Variants in LCK observed in about 807,000 individuals in gnomAD.
LCK encodes the protein tyrosine-protein kinase Lck.
A neutral mutation model predicts 64.6 loss-of-function variants in LCK; 14 were observed. That is an observed-to-expected ratio of 0.22 (90% CI 0.14 to 0.34). LCK has a LOEUF of 0.34. LCK is among the 10% of genes least tolerant of loss of function. LCK has a pLI of 1.00. For missense variants in LCK, 434 were observed against 668.1 expected, an observed-to-expected ratio of 0.65 and a Z score of 3.86; for synonymous variants, 277 against 263.6, an observed-to-expected ratio of 1.05 and a Z score of -0.49.
intron 12 of LCK, among the ~76,000 whole-genome samples, chr1:32,280,476 G>A (rs1252166262): frequency 4.3e-5 from 2 of 45,990 alleles, no homozygotes; most frequent in Non-Finnish European, 8.2e-5. Flanking sequence ...TTTTTTTTGA[G>A]ACGGAGTCTT....
At chr1:32,270,956 C>T (rs1194149182) in intron 1 of LCK, among the ~76,000 whole-genome samples, 2 of 150,950 alleles carry the variant, frequency 1.3e-5, no homozygotes, top group Non-Finnish European at 2.9e-5. Flanking sequence ...CCCGCCTTGG[C>T]CTCCCAAAGT....
Position 32,275,428 on chromosome 1 carries a change from G to A in LCK, c.377+9G>A. 2 of 1,613,816 alleles carry A rather than the reference G, an allele frequency of 1.2e-6. No individual in the cohort carries two copies. Among genetic ancestry groups the A allele is most frequent in the Non-Finnish European group, 1.7e-6 (2 of 1,179,754 alleles). On this transcript the variant is annotated intron_variant, in intron 5 of 12. Coordinates refer to ENST00000336890, the MANE Select transcript of LCK (RefSeq NM_005356.5). This position sits in a 1 kb window ranked among gnomAD's most constrained non-coding sequence, Gnocchi z 6.9. ...AGCCTGGAGCCCGAACCGTAAGTGG[G>A]GACCCGTCGTGGGGGTGGGTAGGAG... is the stretch of plus-strand genomic sequence containing the variant.
At chr1:32,255,897 G>T (rs1376309223) in intron 1 of LCK, among the ~76,000 whole-genome samples, 1 of 150,866 alleles carries the variant, frequency 6.6e-6, no homozygotes, top group African/African-American at 2.5e-5. Context: ...ACACACCTGG[G>T]CTTGAGTGGT....
At chr1:32,263,505 G>A (rs541753228) in intron 1 of LCK, among the ~76,000 whole-genome samples, 27 of 152,084 alleles carry the variant, frequency 1.8e-4, no homozygotes, top group Non-Finnish European at 3.8e-4. Context: ...CGGAGTCTGA[G>A]GTGGGAGGAC....
intron 1 of LCK, among the ~76,000 whole-genome samples, chr1:32,258,664 C>T (rs1359891820): frequency 7.5e-6 from 1 of 134,010 alleles, no homozygotes; most frequent in Non-Finnish European, 1.5e-5. Context: ...ATTAGCTAGG[C>T]ATGGTGGCGG....
At chr1:32,277,626 C>T (rs1225187927) in intron 9 of LCK, among the ~76,000 whole-genome samples, 1 of 152,200 alleles carries the variant, frequency 6.6e-6, no homozygotes, top group East Asian at 1.9e-4. Context: ...GGCCAAGTGC[C>T]TGCACTGTCT....
At chr1:32,270,754 A>G (rs190792449) in intron 1 of LCK, among the ~76,000 whole-genome samples, 17 of 113,924 alleles carry the variant, frequency 1.5e-4, no homozygotes, top group Admixed American at 3.8e-4. Flanking sequence ...GCCAGGCTGG[A>G]GTGCAATGGC....
chr1:32,282,832 A>C (rs1026670838), intron 12 of LCK, among the ~76,000 whole-genome samples: 1 of 151,894 alleles, frequency 6.6e-6, no homozygotes. Flanking sequence ...AAATTAAATA[A>C]ATAAATTAAT....
chr1:32,275,206 T>A lies in LCK; in HGVS notation c.279-115T>A. On this transcript the variant is annotated intron_variant, in intron 4 of 12. Coordinates refer to ENST00000336890, the MANE Select transcript of LCK (RefSeq NM_005356.5). This position sits in a 1 kb window ranked among gnomAD's most constrained non-coding sequence, Gnocchi z 6.9. ...CCGCCCTTGGGACAAAATTCGAGGC[T>A]CAGTATTGCTGAGCCAGGGTTGGGG... 1 of 1,456,080 alleles carries A rather than the reference T, an allele frequency of 6.9e-7. No homozygotes were observed. The highest frequency in any genetic ancestry group is 9.6e-7 in the Non-Finnish European group (1 of 1,043,304). 90.2% of individuals were successfully genotyped at this position (1,456,080 alleles called of 1,614,324 possible).
intron 9 of LCK, chr1:32,279,436 T>G: frequency 1.6e-6 from 1 of 636,528 alleles, no homozygotes; most frequent in Non-Finnish European, 2.7e-6. Context: ...GGTTCTACCT[T>G]ATTGGTGATG....
intron 1 of LCK, among the ~76,000 whole-genome samples, chr1:32,263,389 T>C (rs1457185776): frequency 6.7e-6 from 1 of 148,404 alleles, no homozygotes. Context: ...GAAGACTCCG[T>C]CTCAAAATAA....
Position 32,251,925 on chromosome 1 carries a change from AG to A in LCK, c.-6+555del. 6.6e-6 allele frequency among the ~76,000 whole-genome samples: 1 copy of A among 151,926 alleles called. No homozygotes were observed. Among genetic ancestry groups the A allele is most frequent in the South Asian group, 2.1e-4 (1 of 4,822 alleles). ...GAGAGAGAGAGAGAGAGAGAGAGAG[AG>A]AGAGAGAGAGACAGAGATCACCCAA... is the stretch of plus-strand genomic sequence containing the variant. On this transcript the variant is annotated intron_variant, in intron 1 of 12. Coordinates refer to ENST00000336890, the MANE Select transcript of LCK (RefSeq NM_005356.5). This position sits in a 1 kb window ranked among gnomAD's most constrained non-coding sequence, Gnocchi z 4.0.
In LCK at chr1:32,275,090, C is replaced by G. The variant is rs763419572; in HGVS notation, c.278+7C>G. The G allele has an allele frequency of 1.2e-6, 2 of 1,603,776 alleles. No homozygotes were observed. The highest frequency in any genetic ancestry group is 2.2e-5 in the East Asian group (1 of 44,722). ...AGCTCCGCATCCTGGAGCAGTGAGT[C>G]CCTCTCCACCTTGCTCTGGCGGAGT... On this transcript the variant is annotated splice_region_variant and intron_variant, in intron 4 of 12. Coordinates refer to ENST00000336890, the MANE Select transcript of LCK (RefSeq NM_005356.5). The surrounding 1 kb of genome is among the most constrained non-coding windows in gnomAD (Gnocchi z 6.9).
At chr1:32,267,173 A>G (rs1486598763) in intron 1 of LCK, among the ~76,000 whole-genome samples, 1 of 151,976 alleles carries the variant, frequency 6.6e-6, no homozygotes, top group Non-Finnish European at 1.5e-5. Flanking sequence ...AGGCTATAAT[A>G]GTCAAAAAGT....
intron 1 of LCK, among the ~76,000 whole-genome samples, chr1:32,258,212 G>A (rs944842761): frequency 4.0e-5 from 6 of 151,766 alleles, no homozygotes; most frequent in African/African-American, 1.2e-4. Context: ...GAGCCCAGGT[G>A]GTTGAGGCTG....
intron 1 of LCK, among the ~76,000 whole-genome samples, chr1:32,259,388 T>C (rs1289864959): frequency 1.3e-5 from 2 of 150,600 alleles, no homozygotes; most frequent in African/African-American, 2.4e-5. Flanking sequence ...GGGAGGCCAA[T>C]GCAGGCAGAT....
intron 1 of LCK, among the ~76,000 whole-genome samples, chr1:32,265,324 C>A (rs1228251148): frequency 6.6e-6 from 1 of 152,226 alleles, no homozygotes; most frequent in Non-Finnish European, 1.5e-5. Flanking sequence ...AAAGGCCTCC[C>A]CGGCACTAGC....
intron 12 of LCK, among the ~76,000 whole-genome samples, chr1:32,285,257 C>T (rs1014249778): frequency 2.7e-5 from 4 of 145,726 alleles, no homozygotes; most frequent in Non-Finnish European, 6.0e-5. Flanking sequence ...GCCGAGATCG[C>T]ACCATTGCAC....
chr1:32,260,302 C>T (rs1040873069), intron 1 of LCK, among the ~76,000 whole-genome samples: 3 of 152,132 alleles, frequency 2.0e-5, no homozygotes, highest in African/African-American at 2.4e-5. Context: ...TGAACCACTG[C>T]GCCTGGCCTT....
Sources: allele counts gnomAD v4.1 joint callset (sites outside exome capture counted in the v4.1 genomes callset), GRCh38; gene constraint gnomAD v4.1.1; non-coding constraint Gnocchi (gnomAD v3.1); transcripts MANE v1.5; gene names NCBI Gene and HGNC (gene_info 2026-07-23, HGNC 2026-07-21).